PIEZO1: variants seen among roughly 807,000 people sequenced by gnomAD.
The protein encoded by PIEZO1 is piezo-type mechanosensitive ion channel component 1.
Under a neutral mutation model 297.2 loss-of-function variants are expected in PIEZO1, and 296 were observed. The observed-to-expected ratio is 1.00, with a 90% CI of 0.91 to 1.10. The LOEUF is 1.10. Among genes scored for constraint, PIEZO1 ranks in the 50% least tolerant of loss-of-function variants. The probability of loss-of-function intolerance (pLI) is 0.00; values close to 1 mark genes in which losing one functional copy is unlikely to be tolerated. For synonymous variants in PIEZO1, 2,427 were observed against 1,507.5 expected (o/e 1.61, Z -14.13); for missense variants, 5,018 against 3,455.5 (o/e 1.45, Z -11.34).
At chr16:88,774,062 G>A (rs990639889) in intron 1 of PIEZO1, among the ~76,000 whole-genome samples, 5 of 152,216 alleles carry the variant, frequency 3.3e-5, no homozygotes, top group Non-Finnish European at 5.9e-5. Flanking sequence ...CCGGCGATAA[G>A]GTCTGGGATG....
chr16:88,749,402 T>G lies in PIEZO1; in HGVS notation c.142A>C (p.Thr48Pro), dbSNP rs1906264473. The change falls in exon 2 of 51, where the codon ACC becomes CCC. Residue 48 changes from threonine (T) to proline (P), a missense_variant. By Grantham distance (38) the Thr-to-Pro change is conservative. Transcript: ENST00000301015. ...LLLLPWFPGPTRCGLQGHTGR... is the reference protein window; with the variant it reads ...LLLLPWFPGPPRCGLQGHTGR... ...GCCTTACCTTGGAGGCCGCATCGGG[T>G]GGGGCCGGGGAACCAGGGCAGCAGC... The G allele has an allele frequency of 6.6e-7, 1 of 1,514,262 alleles. No individual in the cohort carries two copies. Among genetic ancestry groups the G allele is most frequent in the Non-Finnish European group, 8.8e-7 (1 of 1,138,374 alleles). The allele number at this position is 1,514,262 out of a possible 1,614,324, so 93.8% of individuals were successfully genotyped here.
chr16:88,723,182 A>G, intron 32 of PIEZO1, 31 bp from the exon 33 acceptor site: 1 of 1,549,346 alleles, frequency 6.5e-7, no homozygotes, highest in Non-Finnish European at 8.7e-7. Flanking sequence ...AGTGACTGGC[A>G]GTCCCGCGGC....
intron 44 of PIEZO1, chr16:88,718,021 T>C (rs1912174105): frequency 6.1e-6 from 2 of 326,412 alleles, no homozygotes; most frequent in South Asian, 4.9e-5. Flanking sequence ...AGGCAGAGGC[T>C]ACAGTGAGTG....
At chr16:88,717,246 C>G (rs1200380815) in intron 44 of PIEZO1, 35 bp from the exon 45 acceptor site, 1 of 1,526,996 alleles carries the variant, frequency 6.5e-7, no homozygotes. Flanking sequence ...ACGCTCAGCT[C>G]TGCCCTTCCT....
intron 22 of PIEZO1, among the ~76,000 whole-genome samples, chr16:88,730,187 G>A (rs577572663): frequency 2.0e-5 from 3 of 152,366 alleles, no homozygotes; most frequent in Admixed American, 6.5e-5. Context: ...CCCAGACCCC[G>A]GGCTCTAAAC....
intron 1 of PIEZO1, among the ~76,000 whole-genome samples, chr16:88,749,717 C>CT (rs1311212132): frequency 1.3e-5 from 2 of 152,180 alleles, no homozygotes; most frequent in African/African-American, 4.8e-5. Flanking sequence ...TTCTACCTTG[C>CT]TTTTTTTCCT....
In PIEZO1 at chr16:88,729,898, G is replaced by C. The variant is rs369737861; in HGVS notation, c.3196+1808C>G. Among the ~76,000 whole-genome samples, 79 of 152,334 alleles carry C rather than the reference G, an allele frequency of 5.2e-4. 1 individual carries two copies. Among genetic ancestry groups the C allele is most frequent in the South Asian group, 5.0e-3 (24 of 4,830 alleles). On this transcript the variant is annotated intron_variant, in intron 22 of 50. Transcript: ENST00000301015. ...AACCCACAGCCCCATCTGCCACAGAGGGAACCTCACGATACAAAAACAAAG... is the reference window on the plus strand; with the variant it reads ...AACCCACAGCCCCATCTGCCACAGACGGAACCTCACGATACAAAAACAAAG...
rs1597450843 is a variant in PIEZO1 at position 88,727,132 on chromosome 16, G to A, written c.3362C>T (p.Thr1121Ile). ...GCCAGCCATGCGCTGCCACTCCTCT[G>A]TGCGCTCAGCTGAGAACACCTGCCA... ...QQWQVFSAER[T>I]EEWQRMAGVN... The change falls in exon 24 of 51, where the codon ACA (threonine) becomes ATA (isoleucine). Residue 1121 changes from threonine to isoleucine, a missense_variant. Transcript: ENST00000301015. 2 of 1,549,964 alleles carry A rather than the reference G, an allele frequency of 1.3e-6. No individual in the cohort carries two copies. Among genetic ancestry groups the A allele is most frequent in the Non-Finnish European group, 1.7e-6 (2 of 1,146,726 alleles).
intron 1 of PIEZO1, among the ~76,000 whole-genome samples, chr16:88,768,397 G>A (rs1014850741): frequency 6.6e-6 from 1 of 152,244 alleles, no homozygotes; most frequent in Non-Finnish European, 1.5e-5. Flanking sequence ...CCTGTGGGGG[G>A]TGGGGAGGGG....
At position 88,725,397 on chromosome 16, in the gene PIEZO1, C is replaced by G. The variant is rs773526006; in HGVS notation, c.4162+19G>C. ...TGCTGGACACGGGGCCCTGGGTGCC[C>G]GACTCCAGCTGCACTCACCTGGCTC... On this transcript the variant is annotated intron_variant, in intron 29 of 50. Transcript: ENST00000301015. 2.9e-6 allele frequency: 4 copies of G among 1,390,258 alleles called. No individual in the cohort carries two copies. Among genetic ancestry groups the G allele is most frequent in the Non-Finnish European group, 3.8e-6 (4 of 1,054,134 alleles). 86.1% of individuals were successfully genotyped at this position (1,390,258 alleles called of 1,614,324 possible).
chr16:88,727,070 G>C lies in PIEZO1; in HGVS notation c.3424C>G (p.Pro1142Ala), dbSNP rs1174557684. The C allele has an allele frequency of 1.3e-6, 2 of 1,549,376 alleles. No individual in the cohort carries two copies. Among genetic ancestry groups the C allele is most frequent in the African/African-American group, 1.4e-5 (1 of 73,040 alleles). The change falls in exon 24 of 51, where the codon CCC becomes GCC. Residue 1142 changes from proline (P) to alanine (A), a missense_variant. Physicochemically the swap from Pro to Ala is conservative, Grantham distance 27 (BLOSUM62 -1). Coordinates refer to ENST00000301015, the MANE Select transcript of PIEZO1 (RefSeq NM_001142864.4). The part of the protein sequence containing the change: ...TDRLEPLRGE[P>A]NPVPNFIHCR... The stretch of plus-strand genomic sequence containing the variant: ...TGGATAAAGTTGGGCACGGGGTTGG[G>C]CTCCCCCCGCAGCGGCTCCAGGCGG...
chr16:88,716,300 C>T (rs1272063873), intron 48 of PIEZO1, 23 bp from the exon 49 acceptor site: 1 of 1,490,340 alleles, frequency 6.7e-7, no homozygotes. Context: ...GCTGGCAGGT[C>T]AGGCCTGGCC....
chr16:88,732,559 G>GC, intron 20 of PIEZO1, 24 bp from the exon 21 acceptor site: 1 of 1,543,376 alleles, frequency 6.5e-7, no homozygotes, highest in South Asian at 1.2e-5. Flanking sequence ...GGGTCAGGGG[G>GC]CAGCCGGGTA....
intron 44 of PIEZO1, chr16:88,717,926 A>G (rs9924236): frequency 0.42 from 161,052 of 380,620 alleles, 36,383 homozygotes; most frequent in East Asian, 0.77. Flanking sequence ...GGCCAAAAAT[A>G]CAAAAGACTA....
intron 8 of PIEZO1, 46 bp from the exon 9 acceptor site, chr16:88,737,860 C>A (rs1394547679): frequency 6.5e-7 from 1 of 1,533,292 alleles, no homozygotes; most frequent in South Asian, 1.2e-5. Flanking sequence ...CACACCCCAC[C>A]CAGAGGCAGG....
chr16:88,744,687 G>C (rs570781367), intron 2 of PIEZO1, among the ~76,000 whole-genome samples: 3 of 151,354 alleles, frequency 2.0e-5, no homozygotes, highest in Admixed American at 6.6e-5. Flanking sequence ...TTCAGTTCTC[G>C]GGCCGGCCAG....
chr16:88,719,261 G>C (rs1912257386), intron 44 of PIEZO1: 2 of 333,260 alleles, frequency 6.0e-6, no homozygotes, highest in East Asian at 1.3e-4. Flanking sequence ...AATTCTCTCT[G>C]AGAAAGGCCA....
intron 1 of PIEZO1, among the ~76,000 whole-genome samples, chr16:88,769,794 G>A (rs1160229484): frequency 6.6e-6 from 1 of 152,086 alleles, no homozygotes; most frequent in African/African-American, 2.4e-5. Context: ...GGAGGGGCCA[G>A]GGTGGGCGGG....
In PIEZO1 at chr16:88,716,492, G is replaced by A. The variant is rs1912043370; in HGVS notation, c.6927-9C>T. The A allele has an allele frequency of 6.5e-7, 1 of 1,544,792 alleles. No homozygotes were observed. Among genetic ancestry groups the A allele is most frequent in the Non-Finnish European group, 8.7e-7 (1 of 1,143,770 alleles). The stretch of plus-strand genomic sequence containing the variant: ...CTCCCTTCGCCAGGTCCCTGGGGGT[G>A]GGAACACAGCGTGACCCACTGTAGT... On this transcript the variant is annotated splice_polypyrimidine_tract_variant and intron_variant, in intron 47 of 50. Coordinates refer to ENST00000301015, the MANE Select transcript of PIEZO1 (RefSeq NM_001142864.4).
Sources: gnomAD v4.1 joint callset for allele counts (sites outside exome capture counted in the v4.1 genomes callset) on GRCh38, gnomAD v4.1.1 for gene constraint, MANE v1.5 for transcripts, NCBI Gene and HGNC (gene_info 2026-07-23, HGNC 2026-07-21) for gene names.